The following MAP2K1 variants were observed in gnomAD, a reference collection of about 807,000 sequenced individuals.
MAP2K1 encodes mitogen-activated protein kinase kinase 1.
Under a neutral mutation model 46.3 loss-of-function variants are expected in MAP2K1, and 16 were observed. The ratio of observed to expected loss-of-function variants is 0.35; its 90% CI spans 0.23 to 0.52. The LOEUF (loss-of-function observed/expected upper bound fraction) is 0.52, where lower values mean the gene tolerates loss of function less well. Ranked by LOEUF, MAP2K1 falls within the 20% of genes least tolerant of loss-of-function variation. The probability of loss-of-function intolerance (pLI) is 0.94; values close to 1 mark genes in which losing one functional copy is unlikely to be tolerated. For synonymous variants in MAP2K1, 183 were observed against 185.6 expected (o/e 0.99, Z 0.11); for missense variants, 263 against 497.1 (o/e 0.53, Z 4.48).
At chr15:66,426,074 G>C (rs557781604) in intron 1 of MAP2K1, among the ~76,000 whole-genome samples, 8 of 151,908 alleles carry the variant, frequency 5.3e-5, no homozygotes, top group Non-Finnish European at 1.0e-4. Flanking sequence ...TGAACGTTCA[G>C]CTCTTCCTGC....
intron 5 of MAP2K1, among the ~76,000 whole-genome samples, chr15:66,469,234 C>T (rs1223528197): frequency 3.3e-5 from 5 of 152,058 alleles, no homozygotes; most frequent in Non-Finnish European, 7.4e-5. Context: ...CCAGCCTGGG[C>T]GACAGAGCAA....
At chr15:66,489,518 G>A (rs958376224) in intron 9 of MAP2K1, 200 bp from the exon 10 acceptor site, 30 of 673,452 alleles carry the variant, frequency 4.5e-5, no homozygotes, top group African/African-American at 2.7e-4. Context: ...GGATTGGCAC[G>A]TTGCTTTTTG....
intron 5 of MAP2K1, among the ~76,000 whole-genome samples, chr15:66,480,857 C>G (rs1112362): frequency 0.076 from 11,559 of 152,174 alleles, 1,467 homozygotes; most frequent in African/African-American, 0.26. Context: ...TCACCAAGTC[C>G]CAGCCTTGGT....
In MAP2K1 at chr15:66,428,699, T is replaced by C. The variant is rs77221347; in HGVS notation, c.81-6328T>C. Among the ~76,000 whole-genome samples, 1,483 of 150,738 alleles carry C rather than the reference T, an allele frequency of 9.8e-3. 55 individuals are homozygous for C. Among genetic ancestry groups the C allele is most frequent in the Admixed American group, 0.062 (939 of 15,072 alleles). On this transcript the variant is annotated intron_variant, in intron 1 of 10. Transcript: ENST00000307102. ...CATCACACACCCCCTCTTAGTTACT[T>C]CCCCCTGAAGGGTAATCACTTTCCT... is the stretch of plus-strand genomic sequence containing the variant.
chr15:66,440,616 G>A (rs1359272992), intron 3 of MAP2K1, among the ~76,000 whole-genome samples: 1 of 152,176 alleles, frequency 6.6e-6, no homozygotes, highest in East Asian at 1.9e-4. Context: ...TGAGCCAACC[G>A]GAGAACTAGG....
intron 1 of MAP2K1, among the ~76,000 whole-genome samples, chr15:66,410,604 T>A (rs547297380): frequency 2.0e-5 from 3 of 152,032 alleles, no homozygotes; most frequent in East Asian, 3.9e-4. Flanking sequence ...TAACAATAGG[T>A]CCAAGTCTAG....
chr15:66,445,033 C>G, intron 5 of MAP2K1: 1 of 327,186 alleles, frequency 3.1e-6, no homozygotes, highest in Non-Finnish European at 5.7e-6. Flanking sequence ...GTGCATATGC[C>G]TAAAGCCAGG....
At chr15:66,416,258 G>C (rs1041558872) in intron 1 of MAP2K1, among the ~76,000 whole-genome samples, 1 of 151,078 alleles carries the variant, frequency 6.6e-6, no homozygotes, top group South Asian at 2.1e-4. Context: ...CTACCCTGTA[G>C]ATTGTTGTTA....
intron 1 of MAP2K1, among the ~76,000 whole-genome samples, chr15:66,415,811 A>T (rs1437179221): frequency 6.6e-6 from 1 of 152,260 alleles, no homozygotes; most frequent in Non-Finnish European, 1.5e-5. Flanking sequence ...ATGTATTTCA[A>T]AGAAATCTAG....
At chr15:66,396,615 A>G (rs1950484968) in intron 1 of MAP2K1, among the ~76,000 whole-genome samples, 1 of 151,976 alleles carries the variant, frequency 6.6e-6, no homozygotes. Context: ...CTTATCTCCA[A>G]TGTGTGTAGT....
At chr15:66,473,541 A>C (rs1353134129) in intron 5 of MAP2K1, among the ~76,000 whole-genome samples, 1 of 152,200 alleles carries the variant, frequency 6.6e-6, no homozygotes, top group Non-Finnish European at 1.5e-5. Flanking sequence ...GAGTGCTGTC[A>C]GGGAATCTGG....
chr15:66,438,309 G>A (rs528719618), intron 3 of MAP2K1, among the ~76,000 whole-genome samples: 3 of 151,828 alleles, frequency 2.0e-5, no homozygotes, highest in Non-Finnish European at 4.4e-5. Context: ...GGCTGGTCTC[G>A]AACTCCTGAC....
chr15:66,400,077 G>T (rs1216634391), intron 1 of MAP2K1, among the ~76,000 whole-genome samples: 1 of 151,924 alleles, frequency 6.6e-6, no homozygotes, highest in Admixed American at 6.6e-5. Context: ...TGTGTACAGT[G>T]TACAATTGAA....
chr15:66,400,316 GCCCA>G (rs1289541038), intron 1 of MAP2K1, among the ~76,000 whole-genome samples: 23 of 152,244 alleles, frequency 1.5e-4, no homozygotes, highest in Middle Eastern at 3.4e-3. Context: ...CAGCCACTGT[GCCCA>G]GACACTTTCT....
chr15:66,391,374 C>T (rs555225055), intron 1 of MAP2K1, among the ~76,000 whole-genome samples: 10 of 152,308 alleles, frequency 6.6e-5, no homozygotes, highest in Admixed American at 2.0e-4. Context: ...CTGCAAGCTC[C>T]GCCTCCCAGG....
Position 66,491,393 on chromosome 15 carries a change from C to T in MAP2K1, c.*778C>T, listed in dbSNP as rs1293201029. On this transcript the variant is annotated 3_prime_UTR_variant, in exon 11 of 11. Coordinates refer to ENST00000307102, the MANE Select transcript of MAP2K1 (RefSeq NM_002755.4). ...TTAAAATGTCGGATTTATCTTTCCC[C>T]ATATCCAAGTACCAATGCTGTTGTA... 4.3e-6 allele frequency: 1 copy of T among 231,366 alleles called. No individual in the cohort carries two copies. The highest frequency in any genetic ancestry group is 8.6e-6 in the Non-Finnish European group (1 of 116,920). 14.3% of individuals were successfully genotyped at this position (231,366 alleles called of 1,614,324 possible). A position where few individuals can be genotyped will look rare whatever the true frequency, so the allele number is the denominator to read the frequency against.
intron 5 of MAP2K1, among the ~76,000 whole-genome samples, chr15:66,473,438 G>C (rs1276507796): frequency 6.6e-6 from 1 of 152,066 alleles, no homozygotes; most frequent in African/African-American, 2.4e-5. Flanking sequence ...CTTGGGCATG[G>C]TGGCGTGTGC....
intron 1 of MAP2K1, among the ~76,000 whole-genome samples, chr15:66,419,744 A>G (rs974759884): frequency 6.6e-6 from 1 of 152,126 alleles, no homozygotes; most frequent in Admixed American, 6.6e-5. Context: ...ATGACTGCAG[A>G]AACATGTTGT....
intron 5 of MAP2K1, among the ~76,000 whole-genome samples, chr15:66,447,685 T>C (rs1335021220): frequency 5.9e-5 from 2 of 33,616 alleles, no homozygotes; most frequent in Non-Finnish European, 1.2e-4. Context: ...AGACTCTGTC[T>C]CAAAAAAAAA....
Sources: gnomAD v4.1 joint callset for allele counts (sites outside exome capture counted in the v4.1 genomes callset) on GRCh38, gnomAD v4.1.1 for gene constraint, MANE v1.5 for transcripts, NCBI Gene and HGNC (gene_info 2026-07-23, HGNC 2026-07-21) for gene names.